The following SLC25A40 variants were observed in gnomAD, a reference collection of about 807,000 sequenced individuals.
SLC25A40 encodes solute carrier family 25 member 40.
A neutral mutation model predicts 46.5 loss-of-function variants in SLC25A40; 41 were observed. That is an observed-to-expected ratio of 0.88 (90% confidence interval 0.69 to 1.14). The LOEUF (loss-of-function observed/expected upper bound fraction) is 1.14, where lower values mean the gene tolerates loss of function less well. SLC25A40 is among the 50% of genes most tolerant of loss of function. The probability of loss-of-function intolerance (pLI) is 0.00; values close to 1 mark genes in which losing one functional copy is unlikely to be tolerated. For missense variants in SLC25A40, 386 were observed against 393.6 expected (o/e 0.98, Z 0.16); for synonymous variants, 126 against 127.5 (o/e 0.99, Z 0.08).
chr7:87,843,953 A>G (rs1838375679), intron 8 of SLC25A40, 90 bp from the exon 9 acceptor site: 1 of 1,374,748 alleles, frequency 7.3e-7, no homozygotes, highest in Non-Finnish European at 9.5e-7. Flanking sequence ...TTCAGGGGAT[A>G]GACAAATTCT....
chr7:87,844,491 T>C (rs950661203), intron 8 of SLC25A40, among the ~76,000 whole-genome samples: 23 of 152,256 alleles, frequency 1.5e-4, no homozygotes, highest in Admixed American at 1.1e-3. Context: ...TGAGATCTAT[T>C]TTCTTTAAAA....
chr7:87,837,070 C>T (rs1838267650), intron 10 of SLC25A40: 1 of 197,566 alleles, frequency 5.1e-6, no homozygotes, highest in Non-Finnish European at 1.0e-5. Flanking sequence ...TTTCTCCTGA[C>T]TTGATAATGC....
Position 87,841,634 on chromosome 7 carries a change from T to C in SLC25A40, c.822A>G (p.Lys274=). The C allele has an allele frequency of 6.8e-7, 1 of 1,480,644 alleles. No individual in the cohort carries two copies. The highest frequency in any genetic ancestry group is 2.6e-5 in the East Asian group (1 of 37,960). 91.7% of individuals were successfully genotyped at this position (1,480,644 alleles called of 1,614,324 possible). Residue 274 remains lysine, a splice_region_variant and synonymous_variant, in exon 10 of 12, where the codon AAA becomes AAG. Coordinates refer to ENST00000341119, the MANE Select transcript of SLC25A40 (RefSeq NM_018843.4). The stretch of plus-strand genomic sequence containing the variant: ...ATATTTTAAATTAATTAAACTTACT[T>C]TTATGACTTTCATATGTCCAAAGTT... ...QTQLWTYESH[K]ISMPLHMSTW...
At chr7:87,845,549 C>A (rs1231734458) in intron 8 of SLC25A40, among the ~76,000 whole-genome samples, 1 of 151,042 alleles carries the variant, frequency 6.6e-6, no homozygotes, top group East Asian at 1.9e-4. Flanking sequence ...CGCGCTCATG[C>A]ACACACACAC....
chr7:87,861,579 G>A (rs181259140), intron 1 of SLC25A40, among the ~76,000 whole-genome samples: 3 of 152,194 alleles, frequency 2.0e-5, no homozygotes, highest in Admixed American at 1.3e-4. Context: ...GTGAAAATAT[G>A]TACAATAAAA....
chr7:87,856,837 C>T (rs1045856746), intron 3 of SLC25A40, among the ~76,000 whole-genome samples: 1 of 152,060 alleles, frequency 6.6e-6, no homozygotes. Flanking sequence ...TCCATTTGGG[C>T]ATAGCACAGC....
intron 9 of SLC25A40, chr7:87,842,390 T>C (rs1358001704): frequency 6.5e-6 from 1 of 152,686 alleles, no homozygotes. Flanking sequence ...CTTTTAGATA[T>C]GTTGTTGCAA....
chr7:87,847,836 A>G lies in SLC25A40; in HGVS notation c.457+17T>C. On this transcript the variant is annotated intron_variant, in intron 7 of 11. Coordinates refer to ENST00000341119, the MANE Select transcript of SLC25A40 (RefSeq NM_018843.4). ...TCTAAACAGAAATCAAAATGAAAAT[A>G]AAGATTTATTACTCACATCTGGCTA... 1.9e-6 allele frequency: 3 copies of G among 1,585,442 alleles called. No homozygotes were observed. Among genetic ancestry groups the G allele is most frequent in the Non-Finnish European group, 2.6e-6 (3 of 1,171,824 alleles).
intron 8 of SLC25A40, among the ~76,000 whole-genome samples, chr7:87,845,386 C>T (rs1415667461): frequency 6.6e-6 from 1 of 152,124 alleles, no homozygotes; most frequent in Non-Finnish European, 1.5e-5. Flanking sequence ...ACCGCCTGAG[C>T]TCCACCTCCT....
intron 1 of SLC25A40, among the ~76,000 whole-genome samples, chr7:87,869,076 GT>G (rs1838851976): frequency 1.3e-5 from 2 of 152,276 alleles, no homozygotes; most frequent in African/African-American, 2.4e-5. Flanking sequence ...TCTGCTTAGA[GT>G]TTTTTTCATT....
rs750858180 is a variant in SLC25A40 at position 87,858,712 on chromosome 7, T to G, written c.16A>C (p.Arg6=). 2 of 1,611,484 alleles carry G rather than the reference T, an allele frequency of 1.2e-6. No individual in the cohort carries two copies. The highest frequency in any genetic ancestry group is 4.5e-5 in the East Asian group (2 of 44,850). ...GTCACTTTGATAATCTCTTGTCCCC[T>G]TGTCTCAGGATCCATATTTTTAACT... MDPET[R]GQEIIKVTPL... Residue 6 remains arginine (R), a synonymous_variant, in exon 3 of 12, where the codon AGG becomes CGG. Coordinates refer to ENST00000341119, the MANE Select transcript of SLC25A40 (RefSeq NM_018843.4).
intron 5 of SLC25A40, among the ~76,000 whole-genome samples, chr7:87,853,497 G>C (rs1029461903): frequency 2.0e-5 from 3 of 152,148 alleles, no homozygotes; most frequent in South Asian, 2.1e-4. Flanking sequence ...CAGAGTAAGT[G>C]AATGTTTGTA....
chr7:87,853,571 C>T (rs1170857019), intron 5 of SLC25A40, among the ~76,000 whole-genome samples: 1 of 152,132 alleles, frequency 6.6e-6, no homozygotes, highest in East Asian at 1.9e-4. Flanking sequence ...ATTATATCTA[C>T]ACCATGAAAT....
In SLC25A40 at chr7:87,849,105, T is replaced by C. The variant is rs144746451; in HGVS notation, c.332+776A>G. ...TTAGAATTACCTGGAGAAAGGAAAG[T>C]ATACATTTTGCAATATATCATACAG... On this transcript the variant is annotated intron_variant, in intron 6 of 11. Transcript: ENST00000341119. Among the ~76,000 whole-genome samples the C allele has an allele frequency of 4.9e-3, 742 of 152,268 alleles. 7 individuals are homozygous for C. The Middle Eastern group carries it at 0.051, about 10-fold the overall frequency.
intron 2 of SLC25A40, among the ~76,000 whole-genome samples, 152 bp downstream of exon 2, chr7:87,860,420 T>C (rs1319685388): frequency 6.6e-6 from 1 of 152,184 alleles, no homozygotes; most frequent in African/African-American, 2.4e-5. Context: ...TATTATCTTA[T>C]ATAATCACAA....
chr7:87,860,878 A>G (rs961626262), intron 1 of SLC25A40, among the ~76,000 whole-genome samples: 7 of 152,124 alleles, frequency 4.6e-5, no homozygotes, highest in Non-Finnish European at 7.4e-5. Flanking sequence ...TTAAAAACAA[A>G]TAAGCAAACG....
At chr7:87,864,669 T>G (rs907639101) in intron 1 of SLC25A40, among the ~76,000 whole-genome samples, 4 of 152,214 alleles carry the variant, frequency 2.6e-5, no homozygotes, top group African/African-American at 9.6e-5. Context: ...TGAAATACCT[T>G]TCCCCATCCC....
At chr7:87,837,776 T>A (rs1020126393) in intron 10 of SLC25A40, among the ~76,000 whole-genome samples, 3 of 150,956 alleles carry the variant, frequency 2.0e-5, no homozygotes, top group East Asian at 1.9e-4. Context: ...GCTAACAGGA[T>A]GAAGATTTCA....
intron 3 of SLC25A40, among the ~76,000 whole-genome samples, chr7:87,857,346 C>T (rs1357811328): frequency 6.6e-6 from 1 of 152,108 alleles, no homozygotes; most frequent in Non-Finnish European, 1.5e-5. Flanking sequence ...CAGTTATAAG[C>T]CCCTAATTTA....
Sources: gnomAD v4.1 joint callset for allele counts (sites outside exome capture counted in the v4.1 genomes callset) on GRCh38, gnomAD v4.1.1 for gene constraint, MANE v1.5 for transcripts, NCBI Gene and HGNC (gene_info 2026-07-23, HGNC 2026-07-21) for gene names.